Variants in DCDC1 observed in about 807,000 individuals in gnomAD.
DCDC1 encodes doublecortin domain-containing protein 1.
Under a neutral mutation model 178.3 loss-of-function variants are expected in DCDC1, and 200 were observed. That is an observed-to-expected ratio of 1.12 (90% CI 1.00 to 1.26). DCDC1 has a LOEUF of 1.26. Among genes scored for constraint, DCDC1 ranks in the 50% most tolerant of loss-of-function variants. The probability of loss-of-function intolerance (pLI) is 0.00; values close to 1 mark genes in which losing one functional copy is unlikely to be tolerated. For missense variants in DCDC1, 1,983 were observed against 1,749.2 expected, an observed-to-expected ratio of 1.13 and a Z score of -2.38; for synonymous variants, 690 against 604.8, an observed-to-expected ratio of 1.14 and a Z score of -2.07.
chr11:31,341,717 G>A (rs972475223), intron 1 of DCDC1, among the ~76,000 whole-genome samples: 3 of 151,952 alleles, frequency 2.0e-5, no homozygotes, highest in African/African-American at 7.3e-5. Context: ...GTCACTAGGT[G>A]ATAGGCATTT....
At chr11:31,303,470 C>T (rs1412248261) in intron 6 of DCDC1, among the ~76,000 whole-genome samples, 1 of 151,956 alleles carries the variant, frequency 6.6e-6, no homozygotes, top group Non-Finnish European at 1.5e-5. Flanking sequence ...TTTAATGGTA[C>T]ACTTGTGGCT....
At chr11:31,132,938 A>T (rs1232040690) in intron 10 of DCDC1, among the ~76,000 whole-genome samples, 1 of 152,226 alleles carries the variant, frequency 6.6e-6, no homozygotes, top group Non-Finnish European at 1.5e-5. Flanking sequence ...AAATGTGCAC[A>T]TGTCTATAAA....
chr11:30,970,565 G>C (rs992417531), intron 20 of DCDC1, among the ~76,000 whole-genome samples: 7 of 152,140 alleles, frequency 4.6e-5, no homozygotes, highest in African/African-American at 1.7e-4. Flanking sequence ...GCCAAAGCAT[G>C]AGCCATTGGC....
intron 7 of DCDC1, among the ~76,000 whole-genome samples, chr11:31,271,177 G>T (rs1945521861): frequency 6.6e-6 from 1 of 151,980 alleles, no homozygotes; most frequent in South Asian, 2.1e-4. Flanking sequence ...TCATCTTACT[G>T]CTATCAAAGC....
chr11:31,135,622 A>G (rs1308719019), intron 10 of DCDC1, among the ~76,000 whole-genome samples: 1 of 152,180 alleles, frequency 6.6e-6, no homozygotes, highest in Non-Finnish European at 1.5e-5. Flanking sequence ...AGAAAGTATC[A>G]GATGTACACA....
chr11:31,332,587 C>T (rs1017053954), intron 2 of DCDC1, among the ~76,000 whole-genome samples: 2 of 152,112 alleles, frequency 1.3e-5, no homozygotes, highest in Non-Finnish European at 2.9e-5. Context: ...TGTCTTTGTT[C>T]TCATTGGTTT....
At chr11:30,930,564 C>A (rs1410466980) in intron 22 of DCDC1, among the ~76,000 whole-genome samples, 2 of 152,096 alleles carry the variant, frequency 1.3e-5, no homozygotes, top group Non-Finnish European at 2.9e-5. Flanking sequence ...AGCATATGGG[C>A]AGCACAGCAT....
At chr11:31,268,511 A>G (rs1353371387) in intron 7 of DCDC1, among the ~76,000 whole-genome samples, 1 of 152,160 alleles carries the variant, frequency 6.6e-6, no homozygotes, top group Non-Finnish European at 1.5e-5. Flanking sequence ...GCTTAGGATA[A>G]TGGGCGTCCA....
intron 9 of DCDC1, among the ~76,000 whole-genome samples, chr11:31,144,763 T>C (rs1415999428): frequency 6.6e-6 from 1 of 152,174 alleles, no homozygotes; most frequent in Non-Finnish European, 1.5e-5. Flanking sequence ...TTTATCTTTT[T>C]ATGAATGATT....
rs181781894 is a variant in DCDC1 at position 30,956,487 on chromosome 11, A to G, written c.2592-3919T>C. On this transcript the variant is annotated intron_variant, in intron 20 of 38. Coordinates refer to ENST00000684477, the MANE Select transcript of DCDC1 (RefSeq NM_001387274.1). ...ACCATTTATGGTATTTGAGTCACCAACACAACATAGTTGTATCCTTTGGTA... is the reference window on the plus strand; with the variant it reads ...ACCATTTATGGTATTTGAGTCACCAGCACAACATAGTTGTATCCTTTGGTA... 7.8e-3 allele frequency among the ~76,000 whole-genome samples: 1,186 copies of G among 152,316 alleles called. 8 individuals are homozygous for G. Among genetic ancestry groups the G allele is most frequent in the Non-Finnish European group, 0.014 (949 of 68,036 alleles).
At chr11:31,262,356 T>C (rs903664780) in intron 8 of DCDC1, among the ~76,000 whole-genome samples, 3 of 152,324 alleles carry the variant, frequency 2.0e-5, no homozygotes, top group Non-Finnish European at 1.5e-5. Context: ...AAAGGTTTAC[T>C]TGACAAACTA....
intron 9 of DCDC1, among the ~76,000 whole-genome samples, chr11:31,232,750 T>C (rs2136794808): frequency 6.6e-6 from 1 of 152,284 alleles, no homozygotes; most frequent in South Asian, 2.1e-4. Flanking sequence ...ATAATAAAGA[T>C]GCTGGTGATG....
chr11:31,030,484 T>C (rs1005493242), intron 20 of DCDC1, among the ~76,000 whole-genome samples: 1 of 152,230 alleles, frequency 6.6e-6, no homozygotes, highest in South Asian at 2.1e-4. Flanking sequence ...GACAAAATTA[T>C]GTATTTCCTT....
chr11:31,232,891 C>T (rs926470143), intron 9 of DCDC1, among the ~76,000 whole-genome samples: 8 of 152,046 alleles, frequency 5.3e-5, no homozygotes, highest in Admixed American at 1.3e-4. Context: ...GAGTTCGAGA[C>T]CAGCCTGGCC....
At position 31,051,785 on chromosome 11, in the gene DCDC1, C is replaced by T. The variant is rs567758996; in HGVS notation, c.2591+12684G>A. On this transcript the variant is annotated intron_variant, in intron 20 of 38. Coordinates refer to ENST00000684477, the MANE Select transcript of DCDC1 (RefSeq NM_001387274.1). ...CAGACAAACAAATGGTGAGAGAATT[C>T]GCCATTACCAACCACCACTAAAAGA... is the stretch of plus-strand genomic sequence containing the variant. Among the ~76,000 whole-genome samples the T allele has an allele frequency of 1.4e-4, 22 of 152,168 alleles. No individual in the cohort carries two copies. The South Asian group carries it at 1.7e-3, about 11-fold the overall frequency.
chr11:31,024,029 A>G (rs1003302863), intron 20 of DCDC1, among the ~76,000 whole-genome samples: 6 of 152,014 alleles, frequency 3.9e-5, no homozygotes, highest in Non-Finnish European at 5.9e-5. Context: ...AAAAATGAGT[A>G]AAGTCCTAGG....
chr11:31,055,427 C>T (rs1410155364), intron 20 of DCDC1, among the ~76,000 whole-genome samples: 1 of 152,094 alleles, frequency 6.6e-6, no homozygotes. Context: ...AGTGTTTCCA[C>T]TGTTTTCACA....
intron 20 of DCDC1, among the ~76,000 whole-genome samples, chr11:30,975,325 C>T (rs7930606): frequency 0.47 from 71,709 of 151,748 alleles, 18,315 homozygotes; most frequent in Middle Eastern, 0.6. Flanking sequence ...AAGGATACCC[C>T]ACTCTCACCA....
intron 36 of DCDC1, among the ~76,000 whole-genome samples, chr11:30,885,872 A>C (rs1943117960): frequency 6.6e-6 from 1 of 152,156 alleles, no homozygotes; most frequent in African/African-American, 2.4e-5. Context: ...CAGAAAATAA[A>C]TATAGACTGA....
Sources: gnomAD v4.1 joint callset for allele counts (sites outside exome capture counted in the v4.1 genomes callset) on GRCh38, gnomAD v4.1.1 for gene constraint, MANE v1.5 for transcripts, NCBI Gene and HGNC (gene_info 2026-07-23, HGNC 2026-07-21) for gene names.